The following SPEG variants were observed in gnomAD, a reference collection of about 807,000 sequenced individuals.
The protein encoded by SPEG is striated muscle preferentially expressed protein kinase.
A neutral mutation model predicts 300.4 loss-of-function variants in SPEG; 114 were observed. The observed-to-expected ratio is 0.38, with a 90% CI of 0.33 to 0.44. The LOEUF is 0.44. Among genes scored for constraint, SPEG ranks in the 20% least tolerant of loss-of-function variants. SPEG has a pLI of 1.00. For missense variants in SPEG, 4,201 were observed against 4,586.2 expected (o/e 0.92, Z 2.43); for synonymous variants, 1,964 against 2,018.9 (o/e 0.97, Z 0.73).
At chr2:219,447,900 T>C (rs1228493669) in intron 3 of SPEG, 74 bp from the exon 4 acceptor site, 173 of 1,415,796 alleles carry the variant, frequency 1.2e-4, no homozygotes, top group Non-Finnish European at 1.9e-5. Flanking sequence ...CACCACCCAA[T>C]TCCTGTCACA....
chr2:219,437,063 G>A (rs148365313), intron 1 of SPEG, among the ~76,000 whole-genome samples: 125 of 152,212 alleles, frequency 8.2e-4, no homozygotes, highest in African/African-American at 2.7e-3. Flanking sequence ...AGGACACTGT[G>A]GGCCAAAGAT....
intron 1 of SPEG, among the ~76,000 whole-genome samples, chr2:219,442,370 G>T (rs893984691): frequency 5.9e-5 from 9 of 151,706 alleles, no homozygotes; most frequent in South Asian, 2.1e-4. Flanking sequence ...GTTCGGCGTG[G>T]AGCGCCCACT....
intron 31 of SPEG, among the ~76,000 whole-genome samples, chr2:219,487,527 G>T (rs774238269): frequency 3.9e-5 from 6 of 152,176 alleles, no homozygotes; most frequent in Admixed American, 6.5e-5. Flanking sequence ...TAAATGACTT[G>T]CCCAAGGTCA....
Position 219,479,814 on chromosome 2 carries a change from G to C in SPEG, c.5117G>C (p.Gly1706Ala). The change falls in exon 24 of 41, where the codon GGA becomes GCA. Residue 1706 changes from glycine (G) to alanine (A), a missense_variant. By Grantham distance (60) the Gly-to-Ala change is moderately conservative. Coordinates refer to ENST00000312358, the MANE Select transcript of SPEG (RefSeq NM_005876.5). This position sits in a 1 kb window ranked among gnomAD's most constrained non-coding sequence, Gnocchi z 5.5. Reference sequence around the variant, plus strand: ...GCCTATATGCGGCAGGTGCTAGAGGGAATACACTACCTGCACCAGAGCCAC... The same window carrying C: ...GCCTATATGCGGCAGGTGCTAGAGGCAATACACTACCTGCACCAGAGCCAC... Reference protein sequence around the residue: ...IRAYMRQVLEGIHYLHQSHVL... With the variant: ...IRAYMRQVLEAIHYLHQSHVL... 1 of 1,614,060 alleles carries C rather than the reference G, an allele frequency of 6.2e-7. No homozygotes were observed. The highest frequency in any genetic ancestry group is 8.5e-7 in the Non-Finnish European group (1 of 1,180,024).
In SPEG at chr2:219,483,211, G is replaced by A. The variant is rs776359183; in HGVS notation, c.5748G>A (p.Gly1916=). The A allele has an allele frequency of 1.2e-6, 2 of 1,610,196 alleles. No homozygotes were observed. The highest frequency in any genetic ancestry group is 2.2e-5 in the South Asian group (2 of 90,632). The change falls in exon 30 of 41, where the codon GGG becomes GGA. Residue 1916 remains glycine (G), a synonymous_variant. Transcript: ENST00000312358. The part of the protein sequence containing the change: ...VTMPRRPPPS[G]GLSSSSDSEE... ...TGCCCAGAAGGCCACCCCCCAGTGG[G>A]GGGCTCTCATCCTCCTCGGATTCTG...
chr2:219,444,115 C>A lies in SPEG; in HGVS notation c.389-538C>A. ...GCATCCCCCCCTTTCCCACCCGGCCCCGGCCTCTCCTCACCCTGCCTCAGC... is the reference window on the plus strand; with the variant it reads ...GCATCCCCCCCTTTCCCACCCGGCCACGGCCTCTCCTCACCCTGCCTCAGC... On this transcript the variant is annotated intron_variant, in intron 1 of 40. Coordinates refer to ENST00000312358, the MANE Select transcript of SPEG (RefSeq NM_005876.5). This position sits in a 1 kb window ranked among gnomAD's most constrained non-coding sequence, Gnocchi z 7.8. The A allele has an allele frequency of 8.0e-7, 1 of 1,250,960 alleles. No homozygotes were observed. 77.5% of individuals were successfully genotyped at this position (1,250,960 alleles called of 1,614,324 possible). A position where few individuals can be genotyped will look rare whatever the true frequency, so the allele number is the denominator to read the frequency against.
At chr2:219,438,529 C>G (rs1387387185) in intron 1 of SPEG, among the ~76,000 whole-genome samples, 1 of 152,196 alleles carries the variant, frequency 6.6e-6, no homozygotes, top group Non-Finnish European at 1.5e-5. Flanking sequence ...AGGCATTCTT[C>G]TTTTTCAAAA....
chr2:219,473,163 T>G lies in SPEG; in HGVS notation c.4147+67T>G. On this transcript the variant is annotated intron_variant, in intron 16 of 40. Coordinates refer to ENST00000312358, the MANE Select transcript of SPEG (RefSeq NM_005876.5). The surrounding 1 kb of genome is among the most constrained non-coding windows in gnomAD (Gnocchi z 4.6). ...GGGATGGGGAATGGGGGCCCTGTGG[T>G]GGAGGCTCAAGGGATGGCCTGGACA... 1 of 1,476,156 alleles carries G rather than the reference T, an allele frequency of 6.8e-7. No homozygotes were observed. The highest frequency in any genetic ancestry group is 9.3e-7 in the Non-Finnish European group (1 of 1,080,856). 91.4% of individuals were successfully genotyped at this position (1,476,156 alleles called of 1,614,324 possible).
intron 1 of SPEG, among the ~76,000 whole-genome samples, chr2:219,442,613 T>G (rs931058594): frequency 6.8e-5 from 2 of 29,554 alleles, no homozygotes; most frequent in African/African-American, 2.7e-4. Flanking sequence ...CCATCATCCC[T>G]CCCCCACCCC....
Position 219,464,319 on chromosome 2 carries a change from G to A in SPEG, c.2706-114G>A, listed in dbSNP as rs1001782730. 1.2e-5 allele frequency: 14 copies of A among 1,181,670 alleles called. No individual in the cohort carries two copies. Among genetic ancestry groups the A allele is most frequent in the Non-Finnish European group, 1.5e-5 (13 of 844,482 alleles). The allele number at this position is 1,181,670 out of a possible 1,614,324, so 73.2% of individuals were successfully genotyped here. A position where few individuals can be genotyped will look rare whatever the true frequency, so the allele number is the denominator to read the frequency against. ...CCCACGGTCAGTGGGACAGATCTGGGGACTGGGCAAACTGCACAGGGAAGG... is the reference window on the plus strand; with the variant it reads ...CCCACGGTCAGTGGGACAGATCTGGAGACTGGGCAAACTGCACAGGGAAGG... On this transcript the variant is annotated intron_variant, in intron 8 of 40. Transcript: ENST00000312358. The surrounding 1 kb of genome is among the most constrained non-coding windows in gnomAD (Gnocchi z 4.5).
In SPEG at chr2:219,493,358, G is replaced by A. The variant is rs1214268442; in HGVS notation, c.*572G>A. ...TCAGCTGTCAGCATCCCTCAGAGGA[G>A]AAATGTGGAGAGCTGGAGGCCAGCA... On this transcript the variant is annotated 3_prime_UTR_variant, in exon 41 of 41. Coordinates refer to ENST00000312358, the MANE Select transcript of SPEG (RefSeq NM_005876.5). 2 of 358,572 alleles carry A rather than the reference G, an allele frequency of 5.6e-6. No individual in the cohort carries two copies. The highest frequency in any genetic ancestry group is 7.2e-5 in the Admixed American group (2 of 27,628). 22.2% of individuals were successfully genotyped at this position (358,572 alleles called of 1,614,324 possible). A position where few individuals can be genotyped will look rare whatever the true frequency, so the allele number is the denominator to read the frequency against.
chr2:219,441,028 G>A (rs1688885347), intron 1 of SPEG, among the ~76,000 whole-genome samples: 1 of 152,166 alleles, frequency 6.6e-6, no homozygotes, highest in African/African-American at 2.4e-5. Flanking sequence ...CAGTTAAATG[G>A]GTATAGGATT....
Position 219,489,708 on chromosome 2 carries a change from C to T in SPEG, c.8690C>T (p.Ser2897Phe). 1 of 1,614,146 alleles carries T rather than the reference C, an allele frequency of 6.2e-7. No individual in the cohort carries two copies. The change falls in exon 36 of 41, where the codon TCT becomes TTT. Residue 2897 changes from serine (S) to phenylalanine (F), a missense_variant. Ser to Phe is a radical substitution (Grantham distance 155). Transcript: ENST00000312358. ...CAAGGGGTTAAACCAGTGTCTTCCT[C>T]TACTCCTGTGTATGTGGTGACTTCC... ...TPQGVKPVSSSTPVYVVTSFV... is the reference protein window; with the variant it reads ...TPQGVKPVSSFTPVYVVTSFV...
rs1333284212 is a variant in SPEG, at chr2:219,489,138, G to A, written c.8234G>A (p.Arg2745Lys). Residue 2745 changes from arginine (R) to lysine (K), a missense_variant, in exon 35 of 41, where the codon AGG (arginine) becomes AAG (lysine). By Grantham distance (26) the Arg-to-Lys change is conservative (BLOSUM62 2). Transcript: ENST00000312358. The stretch of plus-strand genomic sequence containing the variant: ...CACCTGCCAGTTGGCGTGACTGTGA[G>A]GTTCCGTGTGGCCTGTGCCAACCGT... ...VTHLPVGVTV[R>K]FRVACANRAG... 5 of 1,613,890 alleles carry A rather than the reference G, an allele frequency of 3.1e-6. No individual in the cohort carries two copies. The African/African-American group carries it at 6.7e-5, about 22-fold the overall frequency.
At position 219,483,136 on chromosome 2, in the gene SPEG, C is replaced by T; in HGVS notation, c.5673C>T (p.Arg1891=). ...QISYKCHLVL[R]PIPELLRAPP... ...GCTACAAATGCCACCTGGTGCTGCG[C>T]CCCATCCCCGAGCTGCTGCGGGCCC... is the stretch of plus-strand genomic sequence containing the variant. Residue 1891 remains arginine, a synonymous_variant, in exon 30 of 41, where the codon CGC becomes CGT. Transcript: ENST00000312358. 1.9e-6 allele frequency: 3 copies of T among 1,608,918 alleles called. No individual in the cohort carries two copies. The highest frequency in any genetic ancestry group is 2.5e-6 in the Non-Finnish European group (3 of 1,179,512).
At position 219,484,155 on chromosome 2, in the gene SPEG, C is replaced by G. The variant is rs183551699; in HGVS notation, c.6692C>G (p.Pro2231Arg). Residue 2231 changes from proline to arginine, a missense_variant, in exon 30 of 41, where the codon CCC becomes CGC. Pro to Arg is a moderately radical substitution (Grantham distance 103). Transcript: ENST00000312358. ...EPVRASKPAP[P>R]PQALQTLALP... ...GTCCGAGCCTCCAAGCCTGCACCAC[C>G]CCCCCAGGCCCTGCAAACCCTAGCG... The G allele has an allele frequency of 2.1e-5, 34 of 1,613,618 alleles. No homozygotes were observed. The highest frequency in any genetic ancestry group is 2.7e-5 in the Non-Finnish European group (32 of 1,179,932).
In SPEG at chr2:219,464,440, A is replaced by G. The variant is rs1691062798; in HGVS notation, c.2713A>G (p.Asn905Asp). The G allele has an allele frequency of 6.2e-7, 1 of 1,609,670 alleles. No individual in the cohort carries two copies. ...TTCTTGCCCCTCTGACAGGCTGAGA[A>G]ACCGCCAGCCCGTGCGCCCAGACCA... The part of the protein sequence containing the change: ...EPKPVVSWLR[N>D]RQPVRPDQRR... Residue 905 changes from asparagine (N) to aspartate (D), a missense_variant, in exon 9 of 41, where the codon AAC becomes GAC. Asn to Asp is a conservative substitution (Grantham distance 23, BLOSUM62 1). This residue lies in a region of SPEG where 1,047 missense variants were observed against 1,356.8 expected (regional missense o/e 0.77). Coordinates refer to ENST00000312358, the MANE Select transcript of SPEG (RefSeq NM_005876.5). This position sits in a 1 kb window ranked among gnomAD's most constrained non-coding sequence, Gnocchi z 4.5.
At chr2:219,453,603 C>T (rs899333955) in intron 6 of SPEG, among the ~76,000 whole-genome samples, 5 of 152,236 alleles carry the variant, frequency 3.3e-5, no homozygotes, top group Non-Finnish European at 5.9e-5. Context: ...GTGTCCTCAG[C>T]TCATCACAGC....
rs377029961 is a variant in SPEG at position 219,451,308 on chromosome 2, G to C, written c.2257+29G>C. The stretch of plus-strand genomic sequence containing the variant: ...AGCTCCAGCACTGGGCCAAGGTGCG[G>C]TCGAGGTTGGGAGGGGGTGTGTGAG... On this transcript the variant is annotated intron_variant, in intron 5 of 40. Transcript: ENST00000312358. The surrounding 1 kb of genome is among the most constrained non-coding windows in gnomAD (Gnocchi z 6.4). The C allele has an allele frequency of 6.3e-6, 10 of 1,582,492 alleles. No individual in the cohort carries two copies. The highest frequency in any genetic ancestry group is 8.6e-6 in the Non-Finnish European group (10 of 1,166,082).
Sources: gnomAD v4.1 joint callset for allele counts (sites outside exome capture counted in the v4.1 genomes callset) on GRCh38, gnomAD v4.1.1 for gene constraint, gnomAD v4.1.1 regional missense constraint, Gnocchi (gnomAD v3.1) non-coding constraint, MANE v1.5 for transcripts, NCBI Gene and HGNC (gene_info 2026-07-23, HGNC 2026-07-21) for gene names.